The following RBBP5 variants were observed in gnomAD, a reference collection of about 807,000 sequenced individuals.
RBBP5 encodes retinoblastoma-binding protein 5.
A neutral mutation model predicts 72.2 loss-of-function variants in RBBP5; 5 were observed. The observed-to-expected ratio is 0.07, with a 90% CI of 0.04 to 0.15. The LOEUF is 0.15. Among genes scored for constraint, RBBP5 ranks in the 10% least tolerant of loss-of-function variants. RBBP5 has a pLI of 1.00. For missense variants in RBBP5, 322 were observed against 652.2 expected, an observed-to-expected ratio of 0.49 and a Z score of 5.51; for synonymous variants, 209 against 237.2, an observed-to-expected ratio of 0.88 and a Z score of 1.09.
At chr1:205,092,106 C>T (rs1191612056) in intron 13 of RBBP5, among the ~76,000 whole-genome samples, 5 of 152,132 alleles carry the variant, frequency 3.3e-5, no homozygotes, top group African/African-American at 1.2e-4. Flanking sequence ...CCCAAACAAT[C>T]CCATATAAAA....
intron 6 of RBBP5, among the ~76,000 whole-genome samples, chr1:205,100,970 C>G (rs756810262): frequency 1.3e-5 from 2 of 152,104 alleles, no homozygotes; most frequent in African/African-American, 4.8e-5. Context: ...AAATAGGGTC[C>G]GTGCTCCTAT....
At position 205,098,184 on chromosome 1, in the gene RBBP5, AC is replaced by A. The variant is rs1307220333; in HGVS notation, c.1097-790del. Among the ~76,000 whole-genome samples, 4 of 152,034 alleles carry A rather than the reference AC, an allele frequency of 2.6e-5. No homozygotes were observed. The East Asian group carries it at 7.7e-4, about 29-fold the overall frequency. On this transcript the variant is annotated intron_variant, in intron 10 of 13. Transcript: ENST00000264515. ...TGAATTATTTCACTTACTCCCCACAACCCTAAAAAGCAGGTACTATTACTGT... is the reference window on the plus strand; with the variant it reads ...TGAATTATTTCACTTACTCCCCACAACCTAAAAAGCAGGTACTATTACTGT...
At chr1:205,113,404 C>T (rs1199342246) in intron 3 of RBBP5, among the ~76,000 whole-genome samples, 1 of 151,788 alleles carries the variant, frequency 6.6e-6, no homozygotes, top group East Asian at 1.9e-4. Flanking sequence ...CTTCAGCTTC[C>T]TAAGTAGCCA....
chr1:205,119,510 T>C lies in RBBP5; in HGVS notation c.19+2345A>G, dbSNP rs115881345. ...CTACTCTTTCAAAGTACTAGCGTTA[T>C]CACCTTTCTTCCATCCTTAAGTTTT... On this transcript the variant is annotated intron_variant, in intron 1 of 13. Transcript: ENST00000264515. Among the ~76,000 whole-genome samples the C allele has an allele frequency of 2.9e-3, 441 of 152,306 alleles. 2 individuals are homozygous for C. The highest frequency in any genetic ancestry group is 5.6e-3 in the Non-Finnish European group (381 of 68,028).
chr1:205,115,842 A>T lies in RBBP5; in HGVS notation c.45+16T>A, dbSNP rs373685093. On this transcript the variant is annotated intron_variant, in intron 2 of 13. Coordinates refer to ENST00000264515, the MANE Select transcript of RBBP5 (RefSeq NM_005057.4). ...GTTACTATGTTCCTAAAATCACCAC[A>T]ATACTATACTCTTACCTCTGGATAG... The T allele has an allele frequency of 1.9e-6, 3 of 1,585,790 alleles. No homozygotes were observed. The African/African-American group carries it at 4.1e-5, about 22-fold the overall frequency.
At chr1:205,112,985 C>T (rs1400035980) in intron 3 of RBBP5, among the ~76,000 whole-genome samples, 3 of 151,950 alleles carry the variant, frequency 2.0e-5, no homozygotes, top group African/African-American at 4.8e-5. Context: ...ATTAGCCAGG[C>T]ATGGTGGCGC....
chr1:205,096,772 T>C lies in RBBP5; in HGVS notation c.1306A>G (p.Lys436Glu). ...CCATCTGCTGAGGACTGCCTCTTCT[T>C]CTCTGAACTAGCCCCTTCATCCATC... ...SLMDEGASSE[K>E]KRQSSADGSQ... is the part of the protein sequence containing the mutation. Residue 436 changes from lysine to glutamate, a missense_variant, in exon 12 of 14, where the codon AAG becomes GAG. Transcript: ENST00000264515. The C allele has an allele frequency of 6.2e-7, 1 of 1,614,180 alleles. No individual in the cohort carries two copies. The highest frequency in any genetic ancestry group is 8.5e-7 in the Non-Finnish European group (1 of 1,180,034).
intron 3 of RBBP5, among the ~76,000 whole-genome samples, chr1:205,111,488 T>G (rs559850093): frequency 4.6e-5 from 7 of 152,312 alleles, no homozygotes; most frequent in Non-Finnish European, 1.0e-4. Flanking sequence ...CCCTCAAATC[T>G]TCCATTAATG....
intron 13 of RBBP5, among the ~76,000 whole-genome samples, chr1:205,090,125 A>G (rs1655285874): frequency 1.3e-5 from 2 of 152,308 alleles, no homozygotes; most frequent in South Asian, 4.1e-4. Flanking sequence ...AAGTGCTGGG[A>G]TTACAAGCGT....
rs1465553412 is a variant in RBBP5, at chr1:205,087,781, A to C, written c.*1006T>G. On this transcript the variant is annotated 3_prime_UTR_variant, in exon 14 of 14. Coordinates refer to ENST00000264515, the MANE Select transcript of RBBP5 (RefSeq NM_005057.4). ...CTTTCACAGAAAGGAAGTGACTGAA[A>C]ACACAGTAAGAAAAAGGAGCACAGG... is the stretch of plus-strand genomic sequence containing the variant. The C allele has an allele frequency of 6.6e-6, 1 of 152,652 alleles. No individual in the cohort carries two copies. Among genetic ancestry groups the C allele is most frequent in the Non-Finnish European group, 1.5e-5 (1 of 68,052 alleles). 9.5% of individuals were successfully genotyped at this position (152,652 alleles called of 1,614,324 possible).
chr1:205,092,508 G>T lies in RBBP5; in HGVS notation c.1588+2365C>A, dbSNP rs146674613. Among the ~76,000 whole-genome samples, 164 of 151,732 alleles carry T rather than the reference G, an allele frequency of 1.1e-3. 1 individual carries two copies. The highest frequency in any genetic ancestry group is 3.7e-3 in the African/African-American group (154 of 41,362). ...GTTACCCAGGCTGGAGTGCAACGGC[G>T]TGATCATAGCTCACTGCAATATCAA... is the stretch of plus-strand genomic sequence containing the variant. On this transcript the variant is annotated intron_variant, in intron 13 of 13. Transcript: ENST00000264515.
chr1:205,120,513 A>G lies in RBBP5; in HGVS notation c.19+1342T>C, dbSNP rs527290988. On this transcript the variant is annotated intron_variant, in intron 1 of 13. Transcript: ENST00000264515. ...AGCCTGTTGATATTTTACCAACCTT[A>G]AAAATCCACTTAAGGCCGGACACTT... is the stretch of plus-strand genomic sequence containing the variant. Among the ~76,000 whole-genome samples, 18 of 152,312 alleles carry G rather than the reference A, an allele frequency of 1.2e-4. 1 individual carries two copies. In the East Asian group the frequency reaches 3.5e-3, roughly 29 times the overall value.
chr1:205,115,806 A>G, intron 2 of RBBP5, 52 bp downstream of exon 2: 3 of 1,511,070 alleles, frequency 2.0e-6, no homozygotes, highest in Non-Finnish European at 2.7e-6. Flanking sequence ...TTCTAACATA[A>G]ACACCCAGAA....
chr1:205,104,842 A>G lies in RBBP5; in HGVS notation c.359+186T>C, dbSNP rs558001588. Among the ~76,000 whole-genome samples, 43 of 152,294 alleles carry G rather than the reference A, an allele frequency of 2.8e-4. No homozygotes were observed. In the South Asian group the frequency reaches 7.9e-3, roughly 28 times the overall value. On this transcript the variant is annotated intron_variant, in intron 4 of 13. Transcript: ENST00000264515. ...GACAGAGCAGGACTCTGTCTCAAAA[A>G]AAAGAAAGAAAGAAAGAAAGAAATG... is the stretch of plus-strand genomic sequence containing the variant.
In RBBP5 at chr1:205,096,830, G is replaced by A. The variant is rs989669111; in HGVS notation, c.1248C>T (p.Tyr416=). Residue 416 remains tyrosine (Y), a synonymous_variant, in exon 12 of 14, where the codon TAC becomes TAT. Transcript: ENST00000264515. ...TTTGGACTGCATCCGGTGGGGGGCC[G>A]TAAGGATTTTCTTCTGGGTCTTCTA... ...PEVEDPEENP[Y]GPPPDAVQTS... 33 of 1,613,930 alleles carry A rather than the reference G, an allele frequency of 2.0e-5. No individual in the cohort carries two copies. The highest frequency in any genetic ancestry group is 6.7e-5 in the African/African-American group (5 of 74,888).
Position 205,117,050 on chromosome 1 carries a change from T to TTTTG in RBBP5, c.20-1171_20-1168dup, listed in dbSNP as rs570779509. On this transcript the variant is annotated intron_variant, in intron 1 of 13. Coordinates refer to ENST00000264515, the MANE Select transcript of RBBP5 (RefSeq NM_005057.4). ...TTTGTTTTTCGACCGGCCTGGTTTT[T>TTTTG]TTTGTTTGTTTGTTTGTTTGAGACG... is the stretch of plus-strand genomic sequence containing the variant. Among the ~76,000 whole-genome samples the TTTTG allele has an allele frequency of 1.2e-4, 18 of 152,146 alleles. No homozygotes were observed. The South Asian group carries it at 2.3e-3, about 19-fold the overall frequency.
At chr1:205,102,040 G>A (rs1356388539) in intron 5 of RBBP5, among the ~76,000 whole-genome samples, 1 of 151,874 alleles carries the variant, frequency 6.6e-6, no homozygotes. Flanking sequence ...GGGATTACAC[G>A]CATGCGCCAC....
Position 205,099,196 on chromosome 1 carries a change from A to G in RBBP5, c.979-90T>C. ...GATAAAATGAAAGATGTGAGCATGA[A>G]AGGAATTCACAATTCTTAGATTAAA... On this transcript the variant is annotated intron_variant, in intron 9 of 13. Transcript: ENST00000264515. This position sits in a 1 kb window ranked among gnomAD's most constrained non-coding sequence, Gnocchi z 4.7. The G allele has an allele frequency of 1.2e-6, 1 of 801,592 alleles. No individual in the cohort carries two copies. Among genetic ancestry groups the G allele is most frequent in the Non-Finnish European group, 1.8e-6 (1 of 542,088 alleles). The allele number at this position is 801,592 out of a possible 1,614,324, so 49.7% of individuals were successfully genotyped here. A position where few individuals can be genotyped will look rare whatever the true frequency, so the allele number is the denominator to read the frequency against.
At chr1:205,105,203 CTAAGTA>C (rs778056856) in intron 3 of RBBP5, 35 bp from the exon 4 acceptor site, 3 of 1,591,806 alleles carry the variant, frequency 1.9e-6, no homozygotes, top group Non-Finnish European at 2.6e-6. Flanking sequence ...AGCACATATT[CTAAGTA>C]TATCATACCA....
Sources: allele counts gnomAD v4.1 joint callset (sites outside exome capture counted in the v4.1 genomes callset), GRCh38; gene constraint gnomAD v4.1.1; non-coding constraint Gnocchi (gnomAD v3.1); transcripts MANE v1.5; gene names NCBI Gene and HGNC (gene_info 2026-07-23, HGNC 2026-07-21).